DNAH8: variants seen among roughly 807,000 people sequenced by gnomAD.
The protein encoded by DNAH8 is dynein axonemal heavy chain 8, also known as axonemal beta dynein heavy chain 8.
In DNAH8, 382 loss-of-function variants were observed where a neutral mutation model predicts 562.1. That is an observed-to-expected ratio of 0.68 (90% CI 0.63 to 0.74). The LOEUF is 0.74. Ranked by LOEUF, DNAH8 falls within the 30% of genes least tolerant of loss-of-function variation. The probability of loss-of-function intolerance (pLI) is 0.00; values close to 1 mark genes in which losing one functional copy is unlikely to be tolerated. For missense variants in DNAH8, 5,203 were observed against 5,620.4 expected (o/e 0.93, Z 2.37); for synonymous variants, 1,881 against 1,919.4 (o/e 0.98, Z 0.52).
intron 91 of DNAH8, among the ~76,000 whole-genome samples, chr6:39,025,134 A>G (rs1014527455): frequency 2.0e-5 from 3 of 152,148 alleles, no homozygotes; most frequent in African/African-American, 4.8e-5. Context: ...CACTGACTCC[A>G]CACTCTCTCA....
In DNAH8 at chr6:38,763,363, T is replaced by C. The variant is rs927986247; in HGVS notation, c.1617+1560T>C. On this transcript the variant is annotated intron_variant, in intron 11 of 92. Transcript: ENST00000327475. ...TTATGCTTGGACAGAGTTTTCTTAT[T>C]TAAATACAGAAGAAAAAAAAGCAGA... 2.0e-5 allele frequency: 5 copies of C among 249,246 alleles called. No homozygotes were observed. The Admixed American group carries it at 2.5e-4, about 12-fold the overall frequency. The allele number at this position is 249,246 out of a possible 1,614,324, so 15.4% of individuals were successfully genotyped here.
intron 56 of DNAH8, among the ~76,000 whole-genome samples, chr6:38,884,705 C>T (rs899439998): frequency 2.4e-4 from 37 of 152,108 alleles, no homozygotes; most frequent in African/African-American, 8.5e-4. Context: ...CTTGCTCTAA[C>T]CTCTTATTGT....
rs1468491375 is a variant in DNAH8 at position 38,888,898 on chromosome 6, A to AT, written c.8474-1747dup. Among the ~76,000 whole-genome samples, 18 of 152,172 alleles carry AT rather than the reference A, an allele frequency of 1.2e-4. No individual in the cohort carries two copies. The East Asian group carries it at 2.7e-3, about 23-fold the overall frequency. On this transcript the variant is annotated intron_variant, in intron 57 of 92. Transcript: ENST00000327475. ...ACTTCTAGGTTTATGCCAAATTGTC[A>AT]TTTTTTTCCTTTATGGTTTGGGTTT...
chr6:38,723,312 T>G, intron 2 of DNAH8, 25 bp from the exon 3 acceptor site: 2 of 1,583,688 alleles, frequency 1.3e-6, no homozygotes, highest in Non-Finnish European at 1.7e-6. Context: ...AATTGCAATT[T>G]TTGAACTTGG....
In DNAH8 at chr6:38,790,305, G is replaced by A. The variant is rs752232309; in HGVS notation, c.2681G>A (p.Arg894Lys). The A allele has an allele frequency of 5.0e-6, 8 of 1,605,656 alleles. No homozygotes were observed. Among genetic ancestry groups the A allele is most frequent in the Non-Finnish European group, 6.8e-6 (8 of 1,175,474 alleles). ...PKMKKVESVL[R>K]QGLTVLTWSS... ...CGTTTCTAGGTGGAATCTGTGTTGA[G>A]GCAAGGACTCACAGTGTTAACATGG... The change falls in exon 20 of 93, where the codon AGG (arginine) becomes AAG (lysine). Residue 894 changes from arginine to lysine, a missense_variant. Physicochemically the swap from Arg to Lys is conservative, Grantham distance 26. This residue lies in a region of DNAH8 where 2,176 missense variants were observed against 2,365.1 expected (regional missense o/e 0.92). Coordinates refer to ENST00000327475, the MANE Select transcript of DNAH8 (RefSeq NM_001206927.2).
intron 88 of DNAH8, among the ~76,000 whole-genome samples, chr6:38,991,010 T>C (rs568614261): frequency 1.3e-5 from 2 of 152,202 alleles, no homozygotes; most frequent in South Asian, 4.1e-4. Flanking sequence ...GCCCTAAGAG[T>C]GGGGCATTCC....
At chr6:38,790,865 T>A (rs575143681) in intron 20 of DNAH8, among the ~76,000 whole-genome samples, 1 of 152,018 alleles carries the variant, frequency 6.6e-6, no homozygotes, top group South Asian at 2.1e-4. Flanking sequence ...TTTCTTTTAC[T>A]GGATTGGGGT....
chr6:38,738,928 C>T (rs1460213342), intron 7 of DNAH8, among the ~76,000 whole-genome samples: 2 of 152,056 alleles, frequency 1.3e-5, no homozygotes, highest in African/African-American at 4.8e-5. Context: ...TTGGAATTGT[C>T]AGATTTTTAA....
chr6:38,820,741 A>G (rs542930164), intron 26 of DNAH8, among the ~76,000 whole-genome samples: 89 of 152,302 alleles, frequency 5.8e-4, no homozygotes, highest in African/African-American at 1.9e-3. Context: ...CACCATATGA[A>G]TAGAATAAAG....
intron 42 of DNAH8, among the ~76,000 whole-genome samples, chr6:38,859,159 A>G (rs963199632): frequency 6.6e-6 from 1 of 152,224 alleles, no homozygotes; most frequent in Non-Finnish European, 1.5e-5. Context: ...CTCAATAAAT[A>G]TATTAACTAT....
intron 7 of DNAH8, among the ~76,000 whole-genome samples, chr6:38,739,668 A>G (rs1025577838): frequency 6.6e-6 from 1 of 152,150 alleles, no homozygotes; most frequent in Non-Finnish European, 1.5e-5. Flanking sequence ...AAAAGAAAAA[A>G]CATAGACCAT....
intron 24 of DNAH8, among the ~76,000 whole-genome samples, chr6:38,808,177 G>C (rs538157381): frequency 3.3e-5 from 5 of 152,284 alleles, no homozygotes; most frequent in African/African-American, 1.2e-4. Context: ...ACTGGTGATG[G>C]TGATTTGGGT....
chr6:38,984,438 G>A, intron 87 of DNAH8, 131 bp downstream of exon 87: 2 of 650,160 alleles, frequency 3.1e-6, no homozygotes, highest in Admixed American at 2.3e-5. Context: ...AGAAACAAAT[G>A]CATGTGTGCG....
In DNAH8 at chr6:38,931,917, CA is replaced by C. The variant is rs1430020120; in HGVS notation, c.11382del (p.Val3795SerfsTer8). On this transcript the variant is annotated frameshift_variant, in exon 76 of 93. Transcript: ENST00000327475. LOFTEE classifies it high-confidence loss of function. ...AFTPEINAKT[S>X]VIDFTVTMKG... is the part of the protein sequence containing the mutation. ...ACCCCAGAGATTAATGCTAAAACGT[CA>C]GTCATTGATTTCACTGTTACAATGA... The C allele has an allele frequency of 6.2e-7, 1 of 1,611,730 alleles. No homozygotes were observed. The highest frequency in any genetic ancestry group is 1.1e-5 in the South Asian group (1 of 90,582).
chr6:38,768,159 T>TTTG (rs1379846837), intron 11 of DNAH8, among the ~76,000 whole-genome samples: 1 of 152,142 alleles, frequency 6.6e-6, no homozygotes, highest in Non-Finnish European at 1.5e-5. Context: ...GTTTGGGTTT[T>TTTG]TTGTTGTTGT....
In DNAH8 at chr6:38,931,936, T is replaced by C; in HGVS notation, c.11400T>C (p.Val3800=). 6.2e-7 allele frequency: 1 copy of C among 1,610,628 alleles called. No homozygotes were observed. Among genetic ancestry groups the C allele is most frequent in the Non-Finnish European group, 8.5e-7 (1 of 1,178,654 alleles). The stretch of plus-strand genomic sequence containing the variant: ...AAACGTCAGTCATTGATTTCACTGT[T>C]ACAATGAAAGGACTTGAGAATCAGT... ...NAKTSVIDFT[V]TMKGLENQLL... Residue 3800 remains valine (V), a synonymous_variant, in exon 76 of 93, where the codon GTT becomes GTC. Coordinates refer to ENST00000327475, the MANE Select transcript of DNAH8 (RefSeq NM_001206927.2).
At chr6:38,872,260 A>G (rs1435627998) in intron 49 of DNAH8, among the ~76,000 whole-genome samples, 1 of 152,210 alleles carries the variant, frequency 6.6e-6, no homozygotes, top group Non-Finnish European at 1.5e-5. Context: ...ATCACAGGGA[A>G]TCATCACGCA....
intron 53 of DNAH8, among the ~76,000 whole-genome samples, chr6:38,882,044 A>T (rs1469473915): frequency 6.6e-6 from 1 of 152,192 alleles, no homozygotes; most frequent in Non-Finnish European, 1.5e-5. Flanking sequence ...TTTAAAAGCC[A>T]ATTTACAAAA....
chr6:38,935,751 T>A (rs1782908796), intron 77 of DNAH8, 54 bp downstream of exon 77: 5 of 1,321,394 alleles, frequency 3.8e-6, no homozygotes, highest in Middle Eastern at 2.3e-4. Context: ...AGGATTTCAT[T>A]TACACTCTTT....
Sources: gnomAD v4.1 joint callset for allele counts (sites outside exome capture counted in the v4.1 genomes callset) on GRCh38, gnomAD v4.1.1 for gene constraint, gnomAD v4.1.1 regional missense constraint, MANE v1.5 for transcripts, NCBI Gene and HGNC (gene_info 2026-07-23, HGNC 2026-07-21) for gene names.